ADGRL3: variants seen among roughly 807,000 people sequenced by gnomAD.
ADGRL3 encodes adhesion G protein-coupled receptor L3, also known as calcium-independent alpha-latrotoxin receptor 3.
In ADGRL3, 62 loss-of-function variants were observed where a neutral mutation model predicts 153.5. The observed-to-expected ratio is 0.40, with a 90% CI of 0.33 to 0.50. The LOEUF is 0.50. Among genes scored for constraint, ADGRL3 ranks in the 20% least tolerant of loss-of-function variants. The pLI is 0.47. For missense variants in ADGRL3, 1,641 were observed against 1,859.4 expected, an observed-to-expected ratio of 0.88 and a Z score of 2.16; for synonymous variants, 710 against 672.5, an observed-to-expected ratio of 1.06 and a Z score of -0.86.
intron 8 of ADGRL3, among the ~76,000 whole-genome samples, chr4:61,750,721 C>T (rs1015944407): frequency 6.7e-6 from 1 of 148,312 alleles, no homozygotes; most frequent in East Asian, 2.0e-4. Flanking sequence ...ACCCGGGAGG[C>T]GGAGCTTGCA....
intron 1 of ADGRL3, among the ~76,000 whole-genome samples, chr4:61,229,546 C>A (rs1210785466): frequency 6.7e-6 from 1 of 149,886 alleles, no homozygotes; most frequent in Non-Finnish European, 1.5e-5. Flanking sequence ...AAACTGTTTT[C>A]TTTTAATCCT....
chr4:61,957,448 T>A (rs2098971389), intron 17 of ADGRL3, among the ~76,000 whole-genome samples: 1 of 152,002 alleles, frequency 6.6e-6, no homozygotes, highest in Admixed American at 6.6e-5. Flanking sequence ...CATCTCATAG[T>A]CCATAAATAA....
chr4:61,534,323 T>A (rs1028257196), intron 4 of ADGRL3, among the ~76,000 whole-genome samples: 1 of 152,156 alleles, frequency 6.6e-6, no homozygotes, highest in Non-Finnish European at 1.5e-5. Flanking sequence ...TATGCCAACA[T>A]CATGCTATTT....
intron 5 of ADGRL3, among the ~76,000 whole-genome samples, chr4:61,666,467 AT>A (rs1262077796): frequency 6.6e-6 from 1 of 151,132 alleles, no homozygotes; most frequent in Non-Finnish European, 1.5e-5. Flanking sequence ...CGGAGAGGAC[AT>A]TTTTGTTGCT....
intron 21 of ADGRL3, among the ~76,000 whole-genome samples, chr4:62,026,989 T>C (rs1719018044): frequency 6.6e-6 from 1 of 152,078 alleles, no homozygotes; most frequent in Non-Finnish European, 1.5e-5. Flanking sequence ...TAGAGCATTT[T>C]TGCATGGATG....
intron 1 of ADGRL3, among the ~76,000 whole-genome samples, chr4:61,268,445 T>C (rs1374699295): frequency 6.6e-6 from 1 of 151,684 alleles, no homozygotes; most frequent in Non-Finnish European, 1.5e-5. Flanking sequence ...TCTTATTATT[T>C]TGTTTTGTTT....
At chr4:61,436,274 C>CA (rs1390523006) in intron 2 of ADGRL3, among the ~76,000 whole-genome samples, 3 of 151,844 alleles carry the variant, frequency 2.0e-5, no homozygotes, top group African/African-American at 4.8e-5. Flanking sequence ...CAACTAGATC[C>CA]AAAAAAATCA....
In ADGRL3 at chr4:61,844,961, T is replaced by C. The variant is rs2098096864; in HGVS notation, c.1480+31072T>C. On this transcript the variant is annotated intron_variant, in intron 9 of 26. Coordinates refer to ENST00000683033, the MANE Select transcript of ADGRL3 (RefSeq NM_001387552.1). ...AGTTCCTACATGACTAGTGGGTATA[T>C]GGTATCTACCCACTCAATATTAAGA... Among the ~76,000 whole-genome samples the C allele has an allele frequency of 2.0e-5, 3 of 152,196 alleles. No individual in the cohort carries two copies. The South Asian group carries it at 6.2e-4, about 32-fold the overall frequency.
intron 1 of ADGRL3, among the ~76,000 whole-genome samples, chr4:61,270,825 C>A (rs757626437): frequency 6.6e-6 from 1 of 151,606 alleles, no homozygotes; most frequent in Admixed American, 6.6e-5. Context: ...TGTCTGTAAT[C>A]ATGTTGAGAC....
rs765853085 is a variant in ADGRL3 at position 62,070,489 on chromosome 4, C to T, written c.4213C>T (p.Pro1405Ser). 1 of 1,548,418 alleles carries T rather than the reference C, an allele frequency of 6.5e-7. No homozygotes were observed. The highest frequency in any genetic ancestry group is 1.2e-5 in the South Asian group (1 of 83,838). Reference protein sequence around the residue: ...IHEESDAPLLPPRVYSTENHQ... With the variant: ...IHEESDAPLLSPRVYSTENHQ... ...TGAGGAATCTGATGCTCCTTTGCTG[C>T]CCCCAAGAGTATACTCCACCGAGAA... is the stretch of plus-strand genomic sequence containing the variant. The change falls in exon 27 of 27, where the codon CCC (proline) becomes TCC (serine). Residue 1405 changes from proline (P) to serine (S), a missense_variant. This residue lies in a region of ADGRL3 where 517 missense variants were observed against 555.0 expected (regional missense o/e 0.93). Transcript: ENST00000683033.
At chr4:61,585,279 G>C (rs968689971) in intron 4 of ADGRL3, among the ~76,000 whole-genome samples, 24 of 151,964 alleles carry the variant, frequency 1.6e-4, no homozygotes, top group African/African-American at 5.6e-4. Context: ...TTTGCCTAGG[G>C]TCTATGGTAC....
At chr4:61,414,313 C>T (rs2097123056) in intron 2 of ADGRL3, among the ~76,000 whole-genome samples, 1 of 152,182 alleles carries the variant, frequency 6.6e-6, no homozygotes, top group South Asian at 2.1e-4. Context: ...AGCAATGCTT[C>T]TCAAACGTAA....
Position 61,909,361 on chromosome 4 carries a change from C to T in ADGRL3, c.1888-199C>T, listed in dbSNP as rs72638596. ...TTCCTCAGGAGGAGCTTTCTGAAGACATGCGTTTAAAGTCAAGTTTTCAAG... is the reference window on the plus strand; with the variant it reads ...TTCCTCAGGAGGAGCTTTCTGAAGATATGCGTTTAAAGTCAAGTTTTCAAG... On this transcript the variant is annotated intron_variant, in intron 11 of 26. Transcript: ENST00000683033. 4.8e-3 allele frequency among the ~76,000 whole-genome samples: 737 copies of T among 152,260 alleles called. 5 individuals carry two copies. The Middle Eastern group carries it at 0.061, about 13-fold the overall frequency.
At chr4:62,068,032 TG>T in intron 25 of ADGRL3, 133 bp from the exon 26 acceptor site, 1 of 507,020 alleles carries the variant, frequency 2.0e-6, no homozygotes, top group Non-Finnish European at 3.5e-6. Flanking sequence ...TCATGAATTT[TG>T]GGGCAGTGGA....
At chr4:61,458,519 T>C (rs1017928322) in intron 2 of ADGRL3, among the ~76,000 whole-genome samples, 4 of 151,464 alleles carry the variant, frequency 2.6e-5, no homozygotes, top group African/African-American at 9.7e-5. Context: ...AATAATATTC[T>C]TGGTTCCCAT....
intron 4 of ADGRL3, among the ~76,000 whole-genome samples, chr4:61,545,584 G>C (rs892177043): frequency 1.3e-5 from 2 of 152,124 alleles, no homozygotes; most frequent in African/African-American, 4.8e-5. Context: ...CGCCATCTCG[G>C]CTCACTGCAA....
At chr4:61,320,211 C>T (rs2095326152) in intron 1 of ADGRL3, among the ~76,000 whole-genome samples, 1 of 152,134 alleles carries the variant, frequency 6.6e-6, no homozygotes, top group African/African-American at 2.4e-5. Context: ...GTTGTTTAAG[C>T]TACCTAATCT....
intron 1 of ADGRL3, among the ~76,000 whole-genome samples, chr4:61,371,541 G>C (rs570894033): frequency 6.6e-6 from 1 of 151,614 alleles, no homozygotes; most frequent in African/African-American, 2.4e-5. Flanking sequence ...TTTTCTTTAA[G>C]AATGTTGAAT....
intron 1 of ADGRL3, among the ~76,000 whole-genome samples, chr4:61,353,670 G>T (rs967545758): frequency 4.2e-5 from 6 of 143,558 alleles, no homozygotes. Context: ...CTAACTCCTG[G>T]GCTCAAGTGA....
Sources: gnomAD v4.1 joint callset for allele counts (sites outside exome capture counted in the v4.1 genomes callset) on GRCh38, gnomAD v4.1.1 for gene constraint, gnomAD v4.1.1 regional missense constraint, MANE v1.5 for transcripts, NCBI Gene and HGNC (gene_info 2026-07-23, HGNC 2026-07-21) for gene names.